The following MTUS2 variants were observed in gnomAD, a reference collection of about 807,000 sequenced individuals.
The protein encoded by MTUS2 is microtubule associated scaffold protein 2, also known as microtubule-associated tumor suppressor candidate 2.
In MTUS2, 40 loss-of-function variants were observed where a neutral mutation model predicts 114.1. That is an observed-to-expected ratio of 0.35 (90% CI 0.27 to 0.46). MTUS2 has a LOEUF of 0.46. MTUS2 is among the 20% of genes least tolerant of loss of function. The pLI, the probability that MTUS2 is intolerant of heterozygous loss-of-function variation, is 1.00. For synonymous variants in MTUS2, 688 were observed against 672.0 expected, an observed-to-expected ratio of 1.02 and a Z score of -0.37; for missense variants, 1,679 against 1,705.4, an observed-to-expected ratio of 0.98 and a Z score of 0.27.
chr13:29,276,040 T>C (rs1362825121), intron 5 of MTUS2, among the ~76,000 whole-genome samples: 1 of 152,166 alleles, frequency 6.6e-6, no homozygotes, highest in Non-Finnish European at 1.5e-5. Context: ...CTAAGATCTA[T>C]TTTAAATTAG....
chr13:29,196,347 A>G (rs541491685), intron 5 of MTUS2, among the ~76,000 whole-genome samples: 20 of 152,168 alleles, frequency 1.3e-4, no homozygotes, highest in Admixed American at 1.1e-3. Context: ...TCTGCCTGCA[A>G]CTACTACAGG....
chr13:29,355,399 G>A (rs1869654445), intron 7 of MTUS2, among the ~76,000 whole-genome samples: 1 of 152,200 alleles, frequency 6.6e-6, no homozygotes, highest in African/African-American at 2.4e-5. Context: ...ATTATGATTG[G>A]GGTAACATTT....
Position 29,034,009 on chromosome 13 carries a change from G to A in MTUS2, c.2330G>A (p.Arg777His), listed in dbSNP as rs777226951. 21 of 1,613,852 alleles carry A rather than the reference G, an allele frequency of 1.3e-5. No homozygotes were observed. Among genetic ancestry groups the A allele is most frequent in the African/African-American group, 2.7e-5 (2 of 74,914 alleles). The change falls in exon 4 of 16, where the codon CGT becomes CAT. Residue 777 changes from arginine (R) to histidine (H), a missense_variant. Arg to His is a conservative substitution (Grantham distance 29). Transcript: ENST00000612955. ...KPQLGLGAMS[R>H]LPSAKSRILI... Reference sequence around the variant, plus strand: ...CAGCTAGGATTGGGTGCAATGTCCCGTTTACCATCTGCAAAGAGCAGGATT... The same window carrying A: ...CAGCTAGGATTGGGTGCAATGTCCCATTTACCATCTGCAAAGAGCAGGATT...
At chr13:29,199,080 G>A (rs1305477109) in intron 5 of MTUS2, among the ~76,000 whole-genome samples, 1 of 152,040 alleles carries the variant, frequency 6.6e-6, no homozygotes, top group Admixed American at 6.6e-5. Context: ...GATTGCCCTG[G>A]CTAGGGAAAT....
intron 2 of MTUS2, among the ~76,000 whole-genome samples, chr13:28,893,716 A>G (rs1384764394): frequency 1.3e-5 from 2 of 152,154 alleles, no homozygotes; most frequent in Non-Finnish European, 2.9e-5. Flanking sequence ...ACATTGAGAT[A>G]CCCTCCACGT....
At chr13:29,114,230 G>A (rs900335958) in intron 5 of MTUS2, among the ~76,000 whole-genome samples, 1 of 152,030 alleles carries the variant, frequency 6.6e-6, no homozygotes, top group Non-Finnish European at 1.5e-5. Flanking sequence ...AATACAGTTG[G>A]TGACATAGAG....
Position 29,132,935 on chromosome 13 carries a change from AT to A in MTUS2, c.2644+31966del, listed in dbSNP as rs543161458. On this transcript the variant is annotated intron_variant, in intron 5 of 15. Transcript: ENST00000612955. ...ATTTTTAATTTTTTGGGGAGCTGCCATACTGTTTTCCGTAACAGCTGTACCA... is the reference window on the plus strand; with the variant it reads ...ATTTTTAATTTTTTGGGGAGCTGCCAACTGTTTTCCGTAACAGCTGTACCA... Among the ~76,000 whole-genome samples the A allele has an allele frequency of 2.6e-5, 4 of 152,220 alleles. No homozygotes were observed. In the East Asian group the frequency reaches 7.7e-4, roughly 29 times the overall value.
At chr13:29,424,049 TA>T (rs1876321052) in intron 8 of MTUS2, among the ~76,000 whole-genome samples, 2 of 148,492 alleles carry the variant, frequency 1.3e-5, no homozygotes, top group African/African-American at 2.5e-5. Context: ...TTTTTTTTAG[TA>T]GAGATGGGGT....
At chr13:29,155,445 T>C (rs1301037158) in intron 5 of MTUS2, among the ~76,000 whole-genome samples, 5 of 152,218 alleles carry the variant, frequency 3.3e-5, no homozygotes, top group Admixed American at 2.6e-4. Flanking sequence ...GGAGCTGTTG[T>C]GTCTCCTCAT....
chr13:29,088,576 C>CAACTAATAGTGAACTAATG, intron 4 of MTUS2, among the ~76,000 whole-genome samples: 1 of 152,310 alleles, frequency 6.6e-6, no homozygotes, highest in South Asian at 2.1e-4. Context: ...GTGTTGAAGT[C>CAACTAATAGTGAACTAATG]TCCCACTATT....
rs778134283 is a variant in MTUS2, at chr13:29,025,247, T to C, written c.549T>C (p.Ser183=). The change falls in exon 3 of 16, where the codon TCT becomes TCC. Residue 183 remains serine, a synonymous_variant. Transcript: ENST00000612955. ...ATTCTTTGGAAAGAGCAAGCAGCTCTGTAGCTGCAGTCGGGAGCCTGACTC... is the reference window on the plus strand; with the variant it reads ...ATTCTTTGGAAAGAGCAAGCAGCTCCGTAGCTGCAGTCGGGAGCCTGACTC... The part of the protein sequence containing the change: ...RRHSLERASS[S]VAAVGSLTPQ... 6.2e-7 allele frequency: 1 copy of C among 1,613,998 alleles called. No individual in the cohort carries two copies. The highest frequency in any genetic ancestry group is 8.5e-7 in the Non-Finnish European group (1 of 1,179,880).
At chr13:29,079,842 T>C (rs1889363668) in intron 4 of MTUS2, among the ~76,000 whole-genome samples, 2 of 152,186 alleles carry the variant, frequency 1.3e-5, no homozygotes, top group African/African-American at 4.8e-5. Context: ...CCTCCAACTT[T>C]GTTCTTATTT....
At chr13:29,432,029 T>TG (rs1877031781) in intron 8 of MTUS2, among the ~76,000 whole-genome samples, 1 of 150,610 alleles carries the variant, frequency 6.6e-6, no homozygotes, top group Non-Finnish European at 1.5e-5. Context: ...TTTTTTTTTT[T>TG]TTTGGCAGAG....
intron 5 of MTUS2, among the ~76,000 whole-genome samples, chr13:29,248,373 C>T (rs1365168548): frequency 6.6e-6 from 1 of 151,726 alleles, no homozygotes; most frequent in African/African-American, 2.4e-5. Flanking sequence ...CACCTGTTCC[C>T]CAAAAACTTA....
chr13:29,019,372 G>C (rs1886202040), intron 2 of MTUS2, among the ~76,000 whole-genome samples: 1 of 152,140 alleles, frequency 6.6e-6, no homozygotes, highest in Middle Eastern at 3.2e-3. Context: ...ACCAGTGAGT[G>C]ATTTATCAGT....
At chr13:29,175,431 A>G (rs7984848) in intron 5 of MTUS2, among the ~76,000 whole-genome samples, 112,740 of 152,068 alleles carry the variant, frequency 0.74, 41,903 homozygotes, top group East Asian at 0.8. Context: ...AAAAATAACA[A>G]TACTCCATTG....
At chr13:28,994,403 T>C (rs1397722844) in intron 2 of MTUS2, among the ~76,000 whole-genome samples, 1 of 152,216 alleles carries the variant, frequency 6.6e-6, no homozygotes, top group African/African-American at 2.4e-5. Context: ...TTATAATCCT[T>C]TGGATATATA....
At chr13:29,120,471 T>G (rs1242979879) in intron 5 of MTUS2, among the ~76,000 whole-genome samples, 4 of 152,072 alleles carry the variant, frequency 2.6e-5, no homozygotes, top group Non-Finnish European at 4.4e-5. Flanking sequence ...TAATAAAAGA[T>G]AAATTCCTAG....
intron 4 of MTUS2, among the ~76,000 whole-genome samples, chr13:29,041,084 T>C (rs1887333444): frequency 1.3e-5 from 2 of 152,222 alleles, no homozygotes; most frequent in Non-Finnish European, 1.5e-5. Context: ...ATTTTTGTGG[T>C]TTCAGGTCTT....
Sources: allele counts gnomAD v4.1 joint callset (sites outside exome capture counted in the v4.1 genomes callset), GRCh38; gene constraint gnomAD v4.1.1; transcripts MANE v1.5; gene names NCBI Gene and HGNC (gene_info 2026-07-23, HGNC 2026-07-21).